The following CRACDL variants were observed in gnomAD, a reference collection of about 807,000 sequenced individuals.
CRACDL encodes CRACD like.
Under a neutral mutation model 70.6 loss-of-function variants are expected in CRACDL, and 26 were observed. That is an observed-to-expected ratio of 0.37 (90% CI 0.27 to 0.51). The LOEUF is 0.51. Ranked by LOEUF, CRACDL falls within the 20% of genes least tolerant of loss-of-function variation. The pLI is 0.94. For synonymous variants in CRACDL, 618 were observed against 615.2 expected, an observed-to-expected ratio of 1.00 and a Z score of -0.07; for missense variants, 1,283 against 1,376.9, an observed-to-expected ratio of 0.93 and a Z score of 1.08.
At chr2:98,842,424 A>C (rs1016015422) in intron 2 of CRACDL, among the ~76,000 whole-genome samples, 1 of 151,754 alleles carries the variant, frequency 6.6e-6, no homozygotes, top group East Asian at 1.9e-4. Flanking sequence ...TTGTTTTTCA[A>C]ATCCGCTATA....
intron 5 of CRACDL, 39 bp downstream of exon 5, chr2:98,832,309 G>A (rs1378831400): frequency 1.9e-6 from 3 of 1,610,150 alleles, no homozygotes; most frequent in Admixed American, 1.7e-5. Context: ...TCCAGGGCAG[G>A]TGTGGATGAA....
chr2:98,916,029 C>T (rs12620650), intron 1 of CRACDL, among the ~76,000 whole-genome samples: 1 of 152,180 alleles, frequency 6.6e-6, no homozygotes, highest in African/African-American at 2.4e-5. Context: ...CAGAGACAGA[C>T]GGATGGCACA....
chr2:98,894,225 A>T (rs1021937159), intron 1 of CRACDL, among the ~76,000 whole-genome samples: 1 of 152,232 alleles, frequency 6.6e-6, no homozygotes, highest in African/African-American at 2.4e-5. Context: ...GAGGGAAAGC[A>T]GAGTGGGAAG....
rs1294149516 is a variant in CRACDL at position 98,827,068 on chromosome 2, T to C, written c.642A>G (p.Glu214=). Residue 214 remains glutamate, a synonymous_variant, in exon 6 of 10, where the codon GAA becomes GAG. Coordinates refer to ENST00000397899, the MANE Select transcript of CRACDL (RefSeq NM_207362.3). ...APVADFSYPA[E]SSSCLDNSAA... is the part of the protein sequence containing the mutation. Reference sequence around the variant, plus strand: ...CAGAGTTGTCCAGGCAGGAGGAGGATTCTGCAGGATAACTGAAGTCAGCCA... The same window carrying C: ...CAGAGTTGTCCAGGCAGGAGGAGGACTCTGCAGGATAACTGAAGTCAGCCA... The C allele has an allele frequency of 1.2e-6, 2 of 1,613,978 alleles. No individual in the cohort carries two copies. The highest frequency in any genetic ancestry group is 2.7e-5 in the African/African-American group (2 of 74,904).
In CRACDL at chr2:98,928,425, T is replaced by C. The variant is rs576346671; in HGVS notation, c.-11+7513A>G. Among the ~76,000 whole-genome samples, 15 of 152,274 alleles carry C rather than the reference T, an allele frequency of 9.9e-5. No individual in the cohort carries two copies. In the East Asian group the frequency reaches 2.7e-3, roughly 27 times the overall value. ...CACCCAGCCTCAAGCCACGTAACAC[T>C]GTGGCCAAAGAGCAGCCTGACTGAG... On this transcript the variant is annotated intron_variant, in intron 1 of 9. Transcript: ENST00000397899.
At chr2:98,894,471 C>T (rs4851172) in intron 1 of CRACDL, among the ~76,000 whole-genome samples, 148,351 of 152,342 alleles carry the variant, frequency 0.97, 72,281 homozygotes, top group Middle Eastern at 1. Context: ...TGGAAAATCC[C>T]CGGAGTTACC....
At chr2:98,851,157 T>A (rs1445264755) in intron 1 of CRACDL, among the ~76,000 whole-genome samples, 1 of 152,172 alleles carries the variant, frequency 6.6e-6, no homozygotes, top group African/African-American at 2.4e-5. Flanking sequence ...TTCACATTGC[T>A]CACCAAGGTT....
At chr2:98,879,518 A>G (rs1400916475) in intron 1 of CRACDL, among the ~76,000 whole-genome samples, 1 of 152,142 alleles carries the variant, frequency 6.6e-6, no homozygotes, top group East Asian at 1.9e-4. Context: ...GACACCTAAC[A>G]TTCCAAATCA....
rs373525592 is a variant in CRACDL at position 98,817,617 on chromosome 2, C to A, written c.2416+4240G>T. Among the ~76,000 whole-genome samples the A allele has an allele frequency of 5.2e-4, 79 of 152,286 alleles. 1 individual carries two copies. In the South Asian group the frequency reaches 0.016, roughly 32 times the overall value. ...CCAGCTACCACCTGCCTTCTCTGTG[C>A]AATAAACTCTGAGGGTCAGTCCCCT... On this transcript the variant is annotated intron_variant, in intron 7 of 9. Transcript: ENST00000397899.
chr2:98,880,023 C>T (rs971762011), intron 1 of CRACDL, among the ~76,000 whole-genome samples: 3 of 152,200 alleles, frequency 2.0e-5, no homozygotes, highest in African/African-American at 7.2e-5. Context: ...TGCGTGTGCA[C>T]GGTACCAATA....
chr2:98,933,280 C>T (rs894817535), intron 1 of CRACDL, among the ~76,000 whole-genome samples: 1 of 152,214 alleles, frequency 6.6e-6, no homozygotes, highest in African/African-American at 2.4e-5. Context: ...GGCCACTCCC[C>T]TCAAGCTCTG....
intron 7 of CRACDL, among the ~76,000 whole-genome samples, chr2:98,816,153 A>G (rs1403380886): frequency 1.3e-5 from 2 of 152,142 alleles, no homozygotes; most frequent in African/African-American, 4.8e-5. Context: ...TTCACTGCTC[A>G]CACTTGCTAT....
intron 1 of CRACDL, among the ~76,000 whole-genome samples, chr2:98,924,620 C>T (rs778409759): frequency 4.6e-5 from 7 of 152,156 alleles, no homozygotes; most frequent in African/African-American, 7.2e-5. Flanking sequence ...TATGTGCTCA[C>T]GCTGGGCCCA....
chr2:98,824,287 A>ACCCCCCCCCCCTCCCCCC (rs1416196610), intron 6 of CRACDL, among the ~76,000 whole-genome samples: 1 of 55,218 alleles, frequency 1.8e-5, no homozygotes. Context: ...ACTCTCCCCC[A>ACCCCCCCCCCCTCCCCCC]CCCCCCTGCC....
At chr2:98,836,395 A>G (rs751932002) in intron 3 of CRACDL, among the ~76,000 whole-genome samples, 2 of 152,088 alleles carry the variant, frequency 1.3e-5, no homozygotes, top group African/African-American at 2.4e-5. Context: ...AGGCCTCATC[A>G]TGCTCCATTC....
chr2:98,862,828 T>C (rs1441690678), intron 1 of CRACDL, among the ~76,000 whole-genome samples: 1 of 151,652 alleles, frequency 6.6e-6, no homozygotes, highest in Non-Finnish European at 1.5e-5. Context: ...ATTGTAAGAG[T>C]TCCAGAAAGA....
intron 1 of CRACDL, among the ~76,000 whole-genome samples, chr2:98,883,327 G>A (rs1385747085): frequency 6.6e-6 from 1 of 152,228 alleles, no homozygotes; most frequent in African/African-American, 2.4e-5. Flanking sequence ...TGTTGGCATG[G>A]AGGAACAGTG....
intron 1 of CRACDL, among the ~76,000 whole-genome samples, chr2:98,902,632 C>T (rs1039558381): frequency 2.0e-5 from 3 of 152,062 alleles, no homozygotes; most frequent in Admixed American, 1.3e-4. Context: ...TGGCTACTGC[C>T]GGGGCCTGAC....
At chr2:98,864,179 T>C (rs2104579458) in intron 1 of CRACDL, among the ~76,000 whole-genome samples, 1 of 152,296 alleles carries the variant, frequency 6.6e-6, no homozygotes, top group African/African-American at 2.4e-5. Flanking sequence ...TCTGGATAGA[T>C]AGAATAAAAA....
Sources: gnomAD v4.1 joint callset for allele counts (sites outside exome capture counted in the v4.1 genomes callset) on GRCh38, gnomAD v4.1.1 for gene constraint, MANE v1.5 for transcripts, NCBI Gene and HGNC (gene_info 2026-07-23, HGNC 2026-07-21) for gene names.